The following XYLT1 variants were observed in gnomAD, a reference collection of about 807,000 sequenced individuals.
XYLT1 encodes the protein xylosyltransferase 1.
XYLT1 carries 36 observed loss-of-function variants against 91.3 expected under a neutral mutation model. The ratio of observed to expected loss-of-function variants is 0.39; its 90% CI spans 0.30 to 0.52. The LOEUF (loss-of-function observed/expected upper bound fraction) is 0.52. XYLT1 is among the 20% of genes least tolerant of loss of function. The pLI is 0.68. For synonymous variants in XYLT1, 588 were observed against 532.0 expected (o/e 1.11, Z -1.45); for missense variants, 1,242 against 1,284.5 (o/e 0.97, Z 0.51).
chr16:17,426,698 C>G (rs1391278999), intron 1 of XYLT1, among the ~76,000 whole-genome samples: 1 of 152,212 alleles, frequency 6.6e-6, no homozygotes, highest in Non-Finnish European at 1.5e-5. Flanking sequence ...TTGCCTCTGA[C>G]TGCTTTTGCC....
Position 17,104,704 on chromosome 16 carries a change from T to C in XYLT1, c.*3991A>G, listed in dbSNP as rs1456865251. 1 of 152,202 alleles carries C rather than the reference T, an allele frequency of 6.6e-6. No homozygotes were observed. Among genetic ancestry groups the C allele is most frequent in the African/African-American group, 2.4e-5 (1 of 41,440 alleles). The allele number at this position is 152,202 out of a possible 1,614,324, so 9.4% of individuals were successfully genotyped here. On this transcript the variant is annotated 3_prime_UTR_variant, in exon 12 of 12. Coordinates refer to ENST00000261381, the MANE Select transcript of XYLT1 (RefSeq NM_022166.4). ...GAAAAATCAGATTTTTTCCATTAAA[T>C]CTGGATTTCCGGCTTCCCTTCCAAA...
intron 3 of XYLT1, among the ~76,000 whole-genome samples, chr16:17,256,968 C>A (rs771012795): frequency 1.3e-5 from 2 of 152,246 alleles, no homozygotes; most frequent in African/African-American, 4.8e-5. Context: ...CCTCCCCAAT[C>A]TCCATCTAGC....
At chr16:17,184,609 G>T (rs1353650280) in intron 5 of XYLT1, among the ~76,000 whole-genome samples, 3 of 152,146 alleles carry the variant, frequency 2.0e-5, no homozygotes, top group Non-Finnish European at 4.4e-5. Context: ...CACGTTTCAA[G>T]CTCTCAATGG....
At chr16:17,385,361 T>C (rs115298193) in intron 1 of XYLT1, among the ~76,000 whole-genome samples, 137 of 151,644 alleles carry the variant, frequency 9.0e-4, no homozygotes, top group African/African-American at 3.2e-3. Flanking sequence ...GAGGCTGTAA[T>C]ATCTTATTTG....
At position 17,108,706 on chromosome 16, in the gene XYLT1, G is replaced by A. The variant is rs546484907; in HGVS notation, c.2869C>T (p.Arg957Trp). The A allele has an allele frequency of 1.8e-5, 28 of 1,576,780 alleles. No individual in the cohort carries two copies. Among genetic ancestry groups the A allele is most frequent in the South Asian group, 4.5e-5 (4 of 88,198 alleles). The change falls in exon 12 of 12, where the codon CGG becomes TGG. Residue 957 changes from arginine (R) to tryptophan (W), a missense_variant. This residue lies in a region of XYLT1 where 511 missense variants were observed against 497.0 expected (regional missense o/e 1.03). Transcript: ENST00000261381. Reference protein sequence around the residue: ...SELGAVKPDGRLR With the variant: ...SELGAVKPDGWLR ...CCTCGTGCCCAGTGCTACCTGAGCC[G>A]GCCATCAGGTTTGACTGCCCCCAGC...
chr16:17,388,099 C>T (rs547901368), intron 1 of XYLT1, among the ~76,000 whole-genome samples: 59 of 152,300 alleles, frequency 3.9e-4, no homozygotes, highest in African/African-American at 1.4e-3. Flanking sequence ...CTGCCTTAAA[C>T]ATGCTCAGAA....
intron 2 of XYLT1, among the ~76,000 whole-genome samples, chr16:17,310,803 C>T (rs111453877): frequency 3.9e-5 from 6 of 152,046 alleles, no homozygotes; most frequent in African/African-American, 7.2e-5. Flanking sequence ...GAGCCGAGAT[C>T]GTGCCACTGC....
chr16:17,134,455 A>G lies in XYLT1; in HGVS notation c.2027+18T>C, dbSNP rs2030625235. The G allele has an allele frequency of 5.6e-6, 9 of 1,613,160 alleles. No homozygotes were observed. In the East Asian group the frequency reaches 2.0e-4, roughly 36 times the overall value. ...CCTGCTTCTCAGCTCTCCTCTCTGC[A>G]TCCCATATAGGGCTCACCGGCAGCT... On this transcript the variant is annotated intron_variant, in intron 9 of 11. Transcript: ENST00000261381.
At chr16:17,240,189 A>G (rs2033324425) in intron 3 of XYLT1, among the ~76,000 whole-genome samples, 1 of 152,240 alleles carries the variant, frequency 6.6e-6, no homozygotes. Flanking sequence ...GAACAGGGGT[A>G]TGGACAGGAA....
At position 17,109,106 on chromosome 16, in the gene XYLT1, GTGCCA is replaced by G. The variant is rs1304686371; in HGVS notation, c.2558-94_2558-90del. ...TACCCTGTGCCTGGTGCTGCACTGGGTGCCATGCATCGCCTCATTTAATTCACATG... is the reference window on the plus strand; with the variant it reads ...TACCCTGTGCCTGGTGCTGCACTGGGTGCATCGCCTCATTTAATTCACATG... On this transcript the variant is annotated intron_variant, in intron 11 of 11. Coordinates refer to ENST00000261381, the MANE Select transcript of XYLT1 (RefSeq NM_022166.4). 6.1e-6 allele frequency: 8 copies of G among 1,301,166 alleles called. No homozygotes were observed. In the African/African-American group the frequency reaches 1.2e-4, roughly 19 times the overall value. 80.6% of individuals were successfully genotyped at this position (1,301,166 alleles called of 1,614,324 possible). A position where few individuals can be genotyped will look rare whatever the true frequency, so the allele number is the denominator to read the frequency against.
chr16:17,218,478 C>T (rs1305323418), intron 3 of XYLT1, among the ~76,000 whole-genome samples: 1 of 151,846 alleles, frequency 6.6e-6, no homozygotes, highest in African/African-American at 2.4e-5. Context: ...TCTTAGATGC[C>T]TCCAAAGATG....
intron 1 of XYLT1, among the ~76,000 whole-genome samples, chr16:17,436,427 T>C (rs968034396): frequency 3.9e-5 from 6 of 151,962 alleles, no homozygotes; most frequent in Admixed American, 2.0e-4. Flanking sequence ...CTTTCAGGAG[T>C]TTGCTGTGGT....
At chr16:17,185,780 C>G (rs1251341420) in intron 5 of XYLT1, among the ~76,000 whole-genome samples, 1 of 152,046 alleles carries the variant, frequency 6.6e-6, no homozygotes, top group East Asian at 1.9e-4. Context: ...GTGCGCAGAT[C>G]ACTTGAGGTC....
chr16:17,427,114 C>A (rs1373222344), intron 1 of XYLT1, among the ~76,000 whole-genome samples: 1 of 152,186 alleles, frequency 6.6e-6, no homozygotes, highest in Non-Finnish European at 1.5e-5. Context: ...TGCTAACACT[C>A]ATGAATAATT....
chr16:17,131,986 G>C (rs761121110), intron 9 of XYLT1, among the ~76,000 whole-genome samples: 2 of 151,278 alleles, frequency 1.3e-5, no homozygotes, highest in African/African-American at 4.9e-5. Flanking sequence ...TTCCTGGCTC[G>C]AGGCAACGTG....
intron 1 of XYLT1, among the ~76,000 whole-genome samples, chr16:17,406,992 T>C (rs1187074631): frequency 6.6e-6 from 1 of 152,098 alleles, no homozygotes; most frequent in Non-Finnish European, 1.5e-5. Flanking sequence ...GCTGCTTCTT[T>C]ATTTTTATTT....
chr16:17,321,606 T>C (rs6416675), intron 2 of XYLT1, among the ~76,000 whole-genome samples: 97,595 of 151,628 alleles, frequency 0.64, 32,213 homozygotes, highest in African/African-American at 0.74. Flanking sequence ...GATCTCCCCG[T>C]GTCAGACTCC....
At chr16:17,136,523 A>G (rs1030028262) in intron 8 of XYLT1, among the ~76,000 whole-genome samples, 2 of 152,192 alleles carry the variant, frequency 1.3e-5, no homozygotes, top group Non-Finnish European at 2.9e-5. Context: ...TCTGGGCCTC[A>G]GCATCCTTAA....
At chr16:17,224,809 A>G (rs755140091) in intron 3 of XYLT1, among the ~76,000 whole-genome samples, 1 of 152,180 alleles carries the variant, frequency 6.6e-6, no homozygotes, top group Non-Finnish European at 1.5e-5. Flanking sequence ...CTCTCCCTAG[A>G]TTTTAAGACA....
Sources: gnomAD v4.1 joint callset for allele counts (sites outside exome capture counted in the v4.1 genomes callset) on GRCh38, gnomAD v4.1.1 for gene constraint, gnomAD v4.1.1 regional missense constraint, MANE v1.5 for transcripts, NCBI Gene and HGNC (gene_info 2026-07-23, HGNC 2026-07-21) for gene names.